Variants in SLC9A9 observed in about 807,000 individuals in gnomAD.
SLC9A9 encodes the protein sodium/hydrogen exchanger 9.
SLC9A9 carries 62 observed loss-of-function variants against 77.8 expected under a neutral mutation model. That is an observed-to-expected ratio of 0.80 (90% CI 0.65 to 0.98). The LOEUF (loss-of-function observed/expected upper bound fraction) is 0.98, where lower values mean the gene tolerates loss of function less well. Among genes scored for constraint, SLC9A9 ranks in the 50% least tolerant of loss-of-function variants. The probability of loss-of-function intolerance (pLI) is 0.00; values close to 1 mark genes in which losing one functional copy is unlikely to be tolerated. For missense variants in SLC9A9, 775 were observed against 774.9 expected, an observed-to-expected ratio of 1.00 and a Z score of 0.00; for synonymous variants, 320 against 283.5, an observed-to-expected ratio of 1.13 and a Z score of -1.29.
At chr3:143,672,900 T>C (rs912493988) in intron 5 of SLC9A9, among the ~76,000 whole-genome samples, 3 of 152,202 alleles carry the variant, frequency 2.0e-5, no homozygotes, top group Non-Finnish European at 2.9e-5. Flanking sequence ...AGTTAATACC[T>C]ATTTTTATCA....
chr3:143,431,831 C>A (rs1170110120), intron 12 of SLC9A9, among the ~76,000 whole-genome samples: 1 of 152,102 alleles, frequency 6.6e-6, no homozygotes, highest in African/African-American at 2.4e-5. Flanking sequence ...CTCCTACATG[C>A]TCACCCTTCA....
intron 12 of SLC9A9, among the ~76,000 whole-genome samples, chr3:143,418,204 G>A (rs966082844): frequency 2.6e-5 from 4 of 151,552 alleles, no homozygotes; most frequent in Non-Finnish European, 4.4e-5. Context: ...TGAAGACTAG[G>A]TAGCAGATGT....
intron 2 of SLC9A9, among the ~76,000 whole-genome samples, chr3:143,808,663 G>A (rs1398163715): frequency 1.3e-5 from 2 of 152,128 alleles, no homozygotes; most frequent in South Asian, 2.1e-4. Context: ...TAGTGTTTAA[G>A]GGCATGGACA....
chr3:143,562,967 T>C (rs1242234123), intron 8 of SLC9A9, among the ~76,000 whole-genome samples: 1 of 152,078 alleles, frequency 6.6e-6, no homozygotes, highest in Non-Finnish European at 1.5e-5. Context: ...ATCTGACTCA[T>C]GTTTGTGCAC....
chr3:143,655,532 T>C, intron 5 of SLC9A9: 2 of 985,446 alleles, frequency 2.0e-6, no homozygotes, highest in Non-Finnish European at 2.4e-6. Context: ...ATTTTCATGC[T>C]TCACTTGTGG....
At chr3:143,533,817 A>G (rs1294061897) in intron 9 of SLC9A9, among the ~76,000 whole-genome samples, 2 of 152,226 alleles carry the variant, frequency 1.3e-5, no homozygotes, top group East Asian at 3.8e-4. Flanking sequence ...AGCTCTATGC[A>G]CATTTTTCAG....
chr3:143,756,864 T>G (rs1396514119), intron 4 of SLC9A9, among the ~76,000 whole-genome samples: 1 of 152,214 alleles, frequency 6.6e-6, no homozygotes, highest in African/African-American at 2.4e-5. Context: ...AGTGACAAAT[T>G]AATCCTGGTA....
intron 9 of SLC9A9, among the ~76,000 whole-genome samples, chr3:143,524,588 A>G (rs868587559): frequency 1.1e-4 from 16 of 152,190 alleles, no homozygotes; most frequent in African/African-American, 3.9e-4. Flanking sequence ...AATTTAATCT[A>G]CACTAAATCA....
chr3:143,321,370 GT>G (rs2031414540), intron 14 of SLC9A9, among the ~76,000 whole-genome samples: 1 of 152,180 alleles, frequency 6.6e-6, no homozygotes, highest in South Asian at 2.1e-4. Context: ...ACGGAAATAG[GT>G]AGAATTATTG....
intron 10 of SLC9A9, among the ~76,000 whole-genome samples, chr3:143,494,000 C>T (rs1030007763): frequency 2.6e-5 from 4 of 152,236 alleles, no homozygotes; most frequent in South Asian, 2.1e-4. Context: ...AAATTGTTAG[C>T]CCAATACCAA....
chr3:143,358,968 G>A (rs183885792), intron 14 of SLC9A9, among the ~76,000 whole-genome samples: 2 of 152,332 alleles, frequency 1.3e-5, no homozygotes, highest in Admixed American at 1.3e-4. Flanking sequence ...GTCAGCTCAA[G>A]CAATAGGGAT....
intron 6 of SLC9A9, among the ~76,000 whole-genome samples, chr3:143,636,694 C>T (rs1200411769): frequency 1.3e-5 from 2 of 152,162 alleles, no homozygotes; most frequent in African/African-American, 4.8e-5. Context: ...CATTATTTAG[C>T]TCCCATTTAT....
rs192787678 is a variant in SLC9A9 at position 143,534,132 on chromosome 3, A to T, written c.1089+18230T>A. Among the ~76,000 whole-genome samples, 143 of 152,340 alleles carry T rather than the reference A, an allele frequency of 9.4e-4. 1 individual carries two copies. Among genetic ancestry groups the T allele is most frequent in the African/African-American group, 3.1e-3 (127 of 41,578 alleles). Reference sequence around the variant, plus strand: ...ATTAGATGATACTTTGAAACTCAAGACCAGTTTATAGTAATTATATTAATT... The same window carrying T: ...ATTAGATGATACTTTGAAACTCAAGTCCAGTTTATAGTAATTATATTAATT... On this transcript the variant is annotated intron_variant, in intron 9 of 15. Coordinates refer to ENST00000316549, the MANE Select transcript of SLC9A9 (RefSeq NM_173653.4).
chr3:143,845,164 C>G (rs1408998717), intron 1 of SLC9A9, among the ~76,000 whole-genome samples: 2 of 152,078 alleles, frequency 1.3e-5, no homozygotes, highest in Admixed American at 1.3e-4. Context: ...GAGGTTGAAT[C>G]CCACCTCAAC....
chr3:143,804,400 C>A (rs963318822), intron 2 of SLC9A9, among the ~76,000 whole-genome samples: 1 of 152,132 alleles, frequency 6.6e-6, no homozygotes, highest in African/African-American at 2.4e-5. Context: ...ACGTTTTCTC[C>A]TACACCATGA....
chr3:143,780,687 G>A (rs188357718), intron 4 of SLC9A9, among the ~76,000 whole-genome samples: 21 of 151,236 alleles, frequency 1.4e-4, no homozygotes, highest in Admixed American at 2.6e-4. Context: ...GTTTCCCAAT[G>A]GCTGTCTAGT....
At chr3:143,334,625 G>A (rs902907161) in intron 14 of SLC9A9, among the ~76,000 whole-genome samples, 2 of 152,176 alleles carry the variant, frequency 1.3e-5, no homozygotes, top group Admixed American at 6.5e-5. Flanking sequence ...ATGAAATCAT[G>A]CATGTAAGGT....
intron 4 of SLC9A9, among the ~76,000 whole-genome samples, chr3:143,720,622 C>T (rs1195807010): frequency 1.3e-5 from 2 of 152,170 alleles, no homozygotes; most frequent in Non-Finnish European, 2.9e-5. Flanking sequence ...TGTCCTGACA[C>T]ACCCTTTATA....
intron 4 of SLC9A9, among the ~76,000 whole-genome samples, chr3:143,747,629 A>G (rs752528541): frequency 2.0e-5 from 3 of 152,192 alleles, no homozygotes; most frequent in Non-Finnish European, 4.4e-5. Context: ...AGAGTAATGC[A>G]GTCATAACAT....
Sources: gnomAD v4.1 joint callset for allele counts (sites outside exome capture counted in the v4.1 genomes callset) on GRCh38, gnomAD v4.1.1 for gene constraint, MANE v1.5 for transcripts, NCBI Gene and HGNC (gene_info 2026-07-23, HGNC 2026-07-21) for gene names.